XXYLT1: variants seen among roughly 807,000 people sequenced by gnomAD.
XXYLT1 encodes the protein UDP-xylose:alpha-xyloside alpha-1,3-xylosyltransferase.
XXYLT1 carries 20 observed loss-of-function variants against 28.9 expected under a neutral mutation model. That is an observed-to-expected ratio of 0.69 (90% CI 0.49 to 1.00). The LOEUF (loss-of-function observed/expected upper bound fraction) is 1.00, where lower values mean the gene tolerates loss of function less well. Ranked by LOEUF, XXYLT1 falls within the 50% of genes least tolerant of loss-of-function variation. The pLI is 0.00. For missense variants in XXYLT1, 542 were observed against 560.1 expected, an observed-to-expected ratio of 0.97 and a Z score of 0.33; for synonymous variants, 257 against 253.8, an observed-to-expected ratio of 1.01 and a Z score of -0.12.
chr3:195,226,561 CAA>C (rs1724060170), intron 2 of XXYLT1, 146 bp downstream of exon 2: 5 of 1,053,448 alleles, frequency 4.7e-6, no homozygotes, highest in Admixed American at 6.1e-5. Flanking sequence ...CTCGGTGGTA[CAA>C]AGGGCTTGGT....
chr3:195,222,362 C>T (rs1241929519), intron 2 of XXYLT1, among the ~76,000 whole-genome samples: 1 of 152,206 alleles, frequency 6.6e-6, no homozygotes, highest in Non-Finnish European at 1.5e-5. Context: ...AAGTGGCTGC[C>T]TGAGGTGGCC....
chr3:195,185,436 T>C (rs1207863430), intron 2 of XXYLT1, among the ~76,000 whole-genome samples: 1 of 150,266 alleles, frequency 6.7e-6, no homozygotes, highest in African/African-American at 2.5e-5. Context: ...CAGCAGAAAA[T>C]AGGCCACTAG....
At chr3:195,203,373 T>A (rs1425125047) in intron 2 of XXYLT1, among the ~76,000 whole-genome samples, 1 of 152,136 alleles carries the variant, frequency 6.6e-6, no homozygotes, top group African/African-American at 2.4e-5. Context: ...TATTCTATAA[T>A]GATATATATT....
At chr3:195,269,270 C>A (rs1725940880) in intron 1 of XXYLT1, among the ~76,000 whole-genome samples, 1 of 152,166 alleles carries the variant, frequency 6.6e-6, no homozygotes, top group South Asian at 2.1e-4. Flanking sequence ...AGTTTTCTAC[C>A]GTGAACTAGT....
chr3:195,132,571 A>G (rs1560111203), intron 3 of XXYLT1, among the ~76,000 whole-genome samples: 1 of 152,236 alleles, frequency 6.6e-6, no homozygotes. Context: ...GTCTCTGTTC[A>G]CCATTAATTT....
At chr3:195,117,001 C>A (rs1718075892) in intron 3 of XXYLT1, among the ~76,000 whole-genome samples, 1 of 152,070 alleles carries the variant, frequency 6.6e-6, no homozygotes, top group African/African-American at 2.4e-5. Flanking sequence ...GAAATCACAA[C>A]TGATGCTACG....
In XXYLT1 at chr3:195,254,244, G is replaced by A. The variant is rs188699670; in HGVS notation, c.504+16311C>T. Among the ~76,000 whole-genome samples, 439 of 152,338 alleles carry A rather than the reference G, an allele frequency of 2.9e-3. 6 individuals are homozygous for A. Among genetic ancestry groups the A allele is most frequent in the South Asian group, 2.7e-3 (13 of 4,830 alleles). ...AAAGCCCCACCCTGCACTGACCACA[G>A]GTTAAATTTGCCCTGAAACTGGGGT... On this transcript the variant is annotated intron_variant, in intron 1 of 3. Coordinates refer to ENST00000310380, the MANE Select transcript of XXYLT1 (RefSeq NM_152531.5).
intron 3 of XXYLT1, among the ~76,000 whole-genome samples, chr3:195,073,004 G>A (rs1489893404): frequency 1.3e-5 from 2 of 152,154 alleles, no homozygotes; most frequent in African/African-American, 4.8e-5. Context: ...CACAGCGTGG[G>A]TCACGAAGCC....
rs748426812 is a variant in XXYLT1, at chr3:195,100,644, C to T, written c.786-30533G>A. ...ACCCAGACCCAAGTTCCTGGGCCTA[C>T]ACACGCTACCCTCACTGAGGCTGTG... On this transcript the variant is annotated intron_variant, in intron 3 of 3. Transcript: ENST00000310380. Among the ~76,000 whole-genome samples, 10 of 152,260 alleles carry T rather than the reference C, an allele frequency of 6.6e-5. No homozygotes were observed. In the South Asian group the frequency reaches 2.1e-3, roughly 32 times the overall value.
rs1261628711 is a variant in XXYLT1, at chr3:195,270,864, C to G, written c.195G>C (p.Ala65=). The G allele has an allele frequency of 3.6e-6, 5 of 1,402,054 alleles. No homozygotes were observed. In the African/African-American group the frequency reaches 6.1e-5, roughly 17 times the overall value. The allele number at this position is 1,402,054 out of a possible 1,614,324, so 86.9% of individuals were successfully genotyped here. Residue 65 remains alanine, a synonymous_variant, in exon 1 of 4, where the codon GCG becomes GCC. Transcript: ENST00000310380. ...CTAGCTCCAGCGCGGGCGGCGAGGGCGCGGCGGGAGCCCCGGCGCGGGCCT... is the reference window on the plus strand; with the variant it reads ...CTAGCTCCAGCGCGGGCGGCGAGGGGGCGGCGGGAGCCCCGGCGCGGGCCT... The part of the protein sequence containing the change: ...LKEARAGAPA[A]PSPPALELAR...
chr3:195,226,528 C>A (rs971296089), intron 2 of XXYLT1, among the ~76,000 whole-genome samples, 181 bp downstream of exon 2: 6 of 152,018 alleles, frequency 3.9e-5, no homozygotes, highest in African/African-American at 1.5e-4. Flanking sequence ...CAAGGCCCTG[C>A]CCTTGATTCT....
intron 3 of XXYLT1, among the ~76,000 whole-genome samples, chr3:195,132,101 G>A (rs570755416): frequency 2.0e-5 from 3 of 152,300 alleles, no homozygotes; most frequent in Non-Finnish European, 4.4e-5. Context: ...CAGAGGACAA[G>A]GATAGCATGT....
chr3:195,094,286 C>G (rs1716292228), intron 3 of XXYLT1: 1 of 153,188 alleles, frequency 6.5e-6, no homozygotes, highest in Non-Finnish European at 1.5e-5. Flanking sequence ...TCTGCTGAAA[C>G]CCACATCCAC....
intron 3 of XXYLT1, among the ~76,000 whole-genome samples, chr3:195,109,629 GTC>G (rs1717365291): frequency 6.8e-6 from 1 of 147,090 alleles, no homozygotes. Context: ...TGTGTGTGGT[GTC>G]TGTGTGGTGT....
chr3:195,134,805 T>C (rs951978599), intron 3 of XXYLT1, among the ~76,000 whole-genome samples: 29 of 151,406 alleles, frequency 1.9e-4, no homozygotes, highest in Non-Finnish European at 5.9e-5. Flanking sequence ...TCCCACTGGC[T>C]GGCATCATGG....
intron 1 of XXYLT1, among the ~76,000 whole-genome samples, chr3:195,252,721 CACACACAGAGAGAG>C (rs1185917268): frequency 7.4e-6 from 1 of 134,834 alleles, no homozygotes; most frequent in Non-Finnish European, 1.6e-5. Context: ...CACACACACA[CACACACAGAGAGAG>C]AGAGAGAGAG....
chr3:195,166,745 G>A (rs1330100936), intron 2 of XXYLT1, among the ~76,000 whole-genome samples: 2 of 151,922 alleles, frequency 1.3e-5, no homozygotes, highest in South Asian at 2.1e-4. Context: ...ACAATGGCAC[G>A]ATCTCAGCTC....
At chr3:195,241,054 C>CCTCTCCCA (rs1368899197) in intron 1 of XXYLT1, among the ~76,000 whole-genome samples, 10 of 152,192 alleles carry the variant, frequency 6.6e-5, no homozygotes, top group African/African-American at 1.7e-4. Flanking sequence ...TTGGAAATGG[C>CCTCTCCCA]CTCTCCCACT....
chr3:195,269,131 G>C (rs1283493880), intron 1 of XXYLT1, among the ~76,000 whole-genome samples: 1 of 152,266 alleles, frequency 6.6e-6, no homozygotes, highest in Non-Finnish European at 1.5e-5. Context: ...CTGGGGACAA[G>C]GGGACAGAGA....
Sources: gnomAD v4.1 joint callset for allele counts (sites outside exome capture counted in the v4.1 genomes callset) on GRCh38, gnomAD v4.1.1 for gene constraint, MANE v1.5 for transcripts, NCBI Gene and HGNC (gene_info 2026-07-23, HGNC 2026-07-21) for gene names.